Variants in MYBBP1A observed in about 807,000 individuals in gnomAD.
The protein encoded by MYBBP1A is myb-binding protein 1A.
MYBBP1A carries 147 observed loss-of-function variants against 136.3 expected under a neutral mutation model. The observed-to-expected ratio is 1.08, with a 90% CI of 0.94 to 1.24. MYBBP1A has a LOEUF of 1.24. Ranked by LOEUF, MYBBP1A falls within the 50% of genes most tolerant of loss-of-function variation. MYBBP1A has a pLI of 0.00. For synonymous variants in MYBBP1A, 947 were observed against 735.8 expected (o/e 1.29, Z -4.65); for missense variants, 2,060 against 1,727.4 (o/e 1.19, Z -3.41).
intron 13 of MYBBP1A, among the ~76,000 whole-genome samples, chr17:4,547,116 G>A (rs746809853): frequency 6.6e-6 from 1 of 152,016 alleles, no homozygotes; most frequent in Non-Finnish European, 1.5e-5. Flanking sequence ...TCACTCTGTT[G>A]GCCAGGCTGG....
intron 22 of MYBBP1A, chr17:4,542,202 T>C: frequency 1.7e-6 from 1 of 583,742 alleles, no homozygotes; most frequent in African/African-American, 1.9e-5. Context: ...GGGCATCCTG[T>C]GTGTGGCCAG....
rs760205825 is a variant in MYBBP1A at position 4,539,833 on chromosome 17, G to C, written c.3569C>G (p.Thr1190Arg). The C allele has an allele frequency of 1.1e-5, 18 of 1,610,278 alleles. No homozygotes were observed. The highest frequency in any genetic ancestry group is 1.5e-5 in the Non-Finnish European group (18 of 1,179,998). Residue 1190 changes from threonine (T) to arginine (R), a missense_variant, in exon 26 of 26, where the codon ACG (threonine) becomes AGG (arginine). Thr to Arg is a moderately conservative substitution (Grantham distance 71). Transcript: ENST00000254718. The stretch of plus-strand genomic sequence containing the variant: ...TGCAGGTGTGCCATCCTCCGCTGGC[G>C]TGCCATCCTCTGACTTGCGTTTCTT... ...KRKKRKSEDG[T>R]PAEDGTPAAT...
chr17:4,542,853 C>G, intron 20 of MYBBP1A, 60 bp downstream of exon 20: 1 of 1,605,178 alleles, frequency 6.2e-7, no homozygotes, highest in East Asian at 2.2e-5. Flanking sequence ...GGGGAAGTCC[C>G]GGCCTCCACT....
chr17:4,552,062 T>A lies in MYBBP1A; in HGVS notation c.905+63A>T. The A allele has an allele frequency of 6.3e-7, 1 of 1,596,160 alleles. No homozygotes were observed. Among genetic ancestry groups the A allele is most frequent in the Non-Finnish European group, 8.6e-7 (1 of 1,169,098 alleles). ...GTGCCCCTGGTGGGAACCTCAGGAC[T>A]AGTGGCCTAGCCCACTTCACGGACA... On this transcript the variant is annotated intron_variant, in intron 7 of 25. Coordinates refer to ENST00000254718, the MANE Select transcript of MYBBP1A (RefSeq NM_014520.4). This position sits in a 1 kb window ranked among gnomAD's most constrained non-coding sequence, Gnocchi z 4.7.
chr17:4,554,872 C>T lies in MYBBP1A; in HGVS notation c.283G>A (p.Ala95Thr), dbSNP rs1312236352. 1 of 1,613,570 alleles carries T rather than the reference C, an allele frequency of 6.2e-7. No individual in the cohort carries two copies. Among genetic ancestry groups the T allele is most frequent in the Non-Finnish European group, 8.5e-7 (1 of 1,180,016 alleles). Reference protein sequence around the residue: ...RETARPCYSLALAQLLQSFED... With the variant: ...RETARPCYSLTLAQLLQSFED... ...GAGCACCACCTCACCTGTGCCAGGG[C>T]CAAACTGTAGCAGGGCCGGGCTGTT... The change falls in exon 2 of 26, where the codon GCC becomes ACC. Residue 95 changes from alanine to threonine, a missense_variant. By Grantham distance (58) the Ala-to-Thr change is moderately conservative. Transcript: ENST00000254718.
chr17:4,543,008 C>G lies in MYBBP1A; in HGVS notation c.2797G>C (p.Val933Leu). 1 of 1,614,008 alleles carries G rather than the reference C, an allele frequency of 6.2e-7. No individual in the cohort carries two copies. The highest frequency in any genetic ancestry group is 8.5e-7 in the Non-Finnish European group (1 of 1,179,994). Residue 933 changes from valine (V) to leucine (L), a missense_variant, in exon 20 of 26, where the codon GTC (valine) becomes CTC (leucine). Transcript: ENST00000254718. ...CCCTCAGCAGTGTTGCCCTTCAAGA[C>G]CCGGAGCAGGTAGAGAGAGGCGTTG... ...HFNASLYLLR[V>L]LKGNTAEGCV...
intron 10 of MYBBP1A, 45 bp downstream of exon 10, chr17:4,549,287 T>C: frequency 6.3e-7 from 1 of 1,582,392 alleles, no homozygotes; most frequent in South Asian, 1.1e-5. Flanking sequence ...CCCCATTCCT[T>C]GGCCACACGC....
chr17:4,544,994 C>CCGGG, intron 17 of MYBBP1A, 32 bp downstream of exon 17: 1 of 1,425,344 alleles, frequency 7.0e-7, no homozygotes, highest in Non-Finnish European at 9.3e-7. Context: ...GAGCCCTCCC[C>CCGGG]GGCCGCCCCC....
Position 4,539,400 on chromosome 17 carries a change from G to A in MYBBP1A, c.*15C>T, listed in dbSNP as rs760930113. 4 of 1,586,056 alleles carry A rather than the reference G, an allele frequency of 2.5e-6. No individual in the cohort carries two copies. Among genetic ancestry groups the A allele is most frequent in the Admixed American group, 1.8e-5 (1 of 56,374 alleles). On this transcript the variant is annotated 3_prime_UTR_variant, in exon 26 of 26. Transcript: ENST00000254718. ...GCAGATGGAGGCAGGGGCTGAGGGG[G>A]GCCCGTACCTGTGCTCAGGGCTTCC...
chr17:4,546,576 A>C (rs915864382), intron 13 of MYBBP1A, among the ~76,000 whole-genome samples: 7 of 152,204 alleles, frequency 4.6e-5, no homozygotes, highest in Non-Finnish European at 1.0e-4. Flanking sequence ...CCAGCCCCCA[A>C]TTCATAATTC....
chr17:4,548,389 G>A lies in MYBBP1A; in HGVS notation c.1557-79C>T, dbSNP rs1224896757. ...CCTCCCTCCGCCCTCCCCAGGGCTC[G>A]GTCTCCCGCCTCTCCAGGACCTACT... On this transcript the variant is annotated intron_variant, in intron 11 of 25. Coordinates refer to ENST00000254718, the MANE Select transcript of MYBBP1A (RefSeq NM_014520.4). The surrounding 1 kb of genome is among the most constrained non-coding windows in gnomAD (Gnocchi z 4.2). 1.9e-5 allele frequency: 30 copies of A among 1,599,850 alleles called. No homozygotes were observed. Among genetic ancestry groups the A allele is most frequent in the Admixed American group, 3.3e-5 (2 of 59,934 alleles).
chr17:4,542,432 G>A (rs910000759), intron 22 of MYBBP1A, 32 bp downstream of exon 22: 1 of 1,585,832 alleles, frequency 6.3e-7, no homozygotes, highest in South Asian at 1.1e-5. Flanking sequence ...AATTCAGACA[G>A]GCCCTGGGCT....
intron 22 of MYBBP1A, 54 bp downstream of exon 22, chr17:4,542,410 G>C: frequency 6.5e-7 from 1 of 1,545,612 alleles, no homozygotes; most frequent in Non-Finnish European, 8.8e-7. Context: ...TCAGAAGAGG[G>C]TTAAGCGGGT....
At chr17:4,545,527 T>C in intron 15 of MYBBP1A, 83 bp downstream of exon 15, 2 of 1,520,670 alleles carry the variant, frequency 1.3e-6, no homozygotes, top group East Asian at 2.3e-5. Context: ...GCAGGGAGGC[T>C]GGAGGCTGAA....
intron 23 of MYBBP1A, 68 bp from the exon 24 acceptor site, chr17:4,541,632 A>G: frequency 6.5e-7 from 1 of 1,547,716 alleles, no homozygotes; most frequent in Non-Finnish European, 8.9e-7. Flanking sequence ...TCCCAGCCGG[A>G]AGTAAAGCCC....
At position 4,554,216 on chromosome 17, in the gene MYBBP1A, A is replaced by G. The variant is rs751141282; in HGVS notation, c.357T>C (p.Tyr119=). ...CSILQQIQEK[Y]DLHQVKKAML... ...TCACCTTCTTCACCTGATGCAGGTC[A>G]TATTTTTCTTGTATCTGCTGCAGGA... Residue 119 remains tyrosine, a synonymous_variant, in exon 3 of 26, where the codon TAT becomes TAC. Coordinates refer to ENST00000254718, the MANE Select transcript of MYBBP1A (RefSeq NM_014520.4). 15 of 1,614,024 alleles carry G rather than the reference A, an allele frequency of 9.3e-6. No individual in the cohort carries two copies. Among genetic ancestry groups the G allele is most frequent in the Non-Finnish European group, 1.2e-5 (14 of 1,180,002 alleles).
Position 4,548,216 on chromosome 17 carries a change from G to C in MYBBP1A, c.1651C>G (p.Leu551Val), listed in dbSNP as rs775388575. The change falls in exon 12 of 26, where the codon CTC (leucine) becomes GTC (valine). Residue 551 changes from leucine (L) to valine (V), a missense_variant. By Grantham distance (32) the Leu-to-Val change is conservative. Coordinates refer to ENST00000254718, the MANE Select transcript of MYBBP1A (RefSeq NM_014520.4). The surrounding 1 kb of genome is among the most constrained non-coding windows in gnomAD (Gnocchi z 4.2). ...WTYHLVQFAD[L>V]LLNHSHNVTT... Reference sequence around the variant, plus strand: ...ACGTTGTGGCTGTGATTCAACAGGAGGTCTGCGAACTGCACCAGGTGGTAG... The same window carrying C: ...ACGTTGTGGCTGTGATTCAACAGGACGTCTGCGAACTGCACCAGGTGGTAG... The C allele has an allele frequency of 8.7e-6, 14 of 1,609,914 alleles. No homozygotes were observed. The highest frequency in any genetic ancestry group is 2.7e-5 in the African/African-American group (2 of 74,952).
chr17:4,545,300 C>A lies in MYBBP1A; in HGVS notation c.2119G>T (p.Val707Leu). Reference sequence around the variant, plus strand: ...CGCCGCTCATCAGAATCGTCCGTCACCACCACACGGTCATTCTCATCCTCA... The same window carrying A: ...CGCCGCTCATCAGAATCGTCCGTCAACACCACACGGTCATTCTCATCCTCA... Reference protein sequence around the residue: ...TSEDENDRVVVTDDSDERRLK... With the variant: ...TSEDENDRVVLTDDSDERRLK... The change falls in exon 16 of 26, where the codon GTG (valine) becomes TTG (leucine). Residue 707 changes from valine (V) to leucine (L), a missense_variant. By Grantham distance (32) the Val-to-Leu change is conservative (BLOSUM62 1). Coordinates refer to ENST00000254718, the MANE Select transcript of MYBBP1A (RefSeq NM_014520.4). The A allele has an allele frequency of 6.2e-7, 1 of 1,613,326 alleles. No individual in the cohort carries two copies. The highest frequency in any genetic ancestry group is 1.1e-5 in the South Asian group (1 of 91,046).
In MYBBP1A at chr17:4,540,389, C is replaced by T. The variant is rs1311510698; in HGVS notation, c.3393G>A (p.Leu1131=). 2 of 1,609,830 alleles carry T rather than the reference C, an allele frequency of 1.2e-6. No individual in the cohort carries two copies. Among genetic ancestry groups the T allele is most frequent in the African/African-American group, 2.7e-5 (2 of 74,910 alleles). ...TCATGGCCTGCCAGTAGAGGTCGTG[C>T]AGGCGGCTGGAGCCGGTGGAGTGTG... ...QGAHSTGSSR[L]HDLYWQAMKT... is the part of the protein sequence containing the mutation. Residue 1131 remains leucine, a synonymous_variant, in exon 25 of 26, where the codon CTG becomes CTA. Coordinates refer to ENST00000254718, the MANE Select transcript of MYBBP1A (RefSeq NM_014520.4).
Sources: gnomAD v4.1 joint callset for allele counts (sites outside exome capture counted in the v4.1 genomes callset) on GRCh38, gnomAD v4.1.1 for gene constraint, Gnocchi (gnomAD v3.1) non-coding constraint, MANE v1.5 for transcripts, NCBI Gene and HGNC (gene_info 2026-07-23, HGNC 2026-07-21) for gene names.